PLEKHA5: variants seen among roughly 807,000 people sequenced by gnomAD.
PLEKHA5 encodes the protein pleckstrin homology domain containing A5, also known as pleckstrin homology domain-containing family A member 5.
A neutral mutation model predicts 181.9 loss-of-function variants in PLEKHA5; 55 were observed. The observed-to-expected ratio is 0.30, with a 90% CI of 0.24 to 0.38. PLEKHA5 has a LOEUF of 0.38. PLEKHA5 is among the 10% of genes least tolerant of loss of function. PLEKHA5 has a pLI of 1.00. For synonymous variants in PLEKHA5, 535 were observed against 529.4 expected, an observed-to-expected ratio of 1.01 and a Z score of -0.15; for missense variants, 1,432 against 1,549.5, an observed-to-expected ratio of 0.92 and a Z score of 1.27.
Position 19,130,861 on chromosome 12 carries a change from C to G in PLEKHA5, c.169+731C>G, listed in dbSNP as rs2033563116. ...GGATCTAAAGTCCCCGCCAGCCGCA[C>G]GGAGGTTGCACAGACTGCCAGGAGG... On this transcript the variant is annotated intron_variant, in intron 2 of 31. Coordinates refer to ENST00000429027, the MANE Select transcript of PLEKHA5 (RefSeq NM_001256470.2). The surrounding 1 kb of genome is among the most constrained non-coding windows in gnomAD (Gnocchi z 4.5). 1.3e-5 allele frequency: 2 copies of G among 152,228 alleles called. No homozygotes were observed. The highest frequency in any genetic ancestry group is 4.8e-5 in the African/African-American group (2 of 41,444). The allele number at this position is 152,228 out of a possible 1,614,324, so 9.4% of individuals were successfully genotyped here. A position where few individuals can be genotyped will look rare whatever the true frequency, so the allele number is the denominator to read the frequency against.
At chr12:19,188,433 G>T (rs2050339896) in intron 3 of PLEKHA5, among the ~76,000 whole-genome samples, 1 of 152,078 alleles carries the variant, frequency 6.6e-6, no homozygotes, top group Admixed American at 6.5e-5. Flanking sequence ...TATACTTCTA[G>T]TGTAATGAAT....
At position 19,366,049 on chromosome 12, in the gene PLEKHA5, G is replaced by A. The variant is rs1387127979; in HGVS notation, c.3694G>A (p.Glu1232Lys). ...NTKNSVDEQEETVISYESTPE... is the reference protein window; with the variant it reads ...NTKNSVDEQEKTVISYESTPE... ...AAAGAACAGTGTTGACGAACAGGAA[G>A]AAACTGTTATTTCTTACGAATCAAC... Residue 1232 changes from glutamate (E) to lysine (K), a missense_variant, in exon 30 of 32, where the codon GAA becomes AAA. Transcript: ENST00000429027. 6.2e-7 allele frequency: 1 copy of A among 1,611,612 alleles called. No homozygotes were observed. The highest frequency in any genetic ancestry group is 1.3e-5 in the African/African-American group (1 of 74,874).
At chr12:19,302,704 G>A (rs888962067) in intron 15 of PLEKHA5, among the ~76,000 whole-genome samples, 1 of 151,942 alleles carries the variant, frequency 6.6e-6, no homozygotes, top group African/African-American at 2.4e-5. Context: ...GCCTACTGGT[G>A]TAGAATTTTT....
intron 3 of PLEKHA5, among the ~76,000 whole-genome samples, chr12:19,232,526 G>C (rs2060787348): frequency 6.6e-6 from 1 of 152,090 alleles, no homozygotes; most frequent in African/African-American, 2.4e-5. Flanking sequence ...TTGATAACTT[G>C]AAAACTTGAT....
chr12:19,326,717 C>T (rs1360354263), intron 20 of PLEKHA5, among the ~76,000 whole-genome samples: 1 of 152,184 alleles, frequency 6.6e-6, no homozygotes, highest in East Asian at 1.9e-4. Flanking sequence ...CTTTATCTTC[C>T]ATTCTTTCCC....
intron 20 of PLEKHA5, among the ~76,000 whole-genome samples, chr12:19,327,899 T>C (rs1835322): frequency 0.76 from 115,510 of 151,998 alleles, 46,599 homozygotes; most frequent in Non-Finnish European, 0.92. Context: ...CCCACTTTGG[T>C]CTCCCATAAT....
rs538034594 is a variant in PLEKHA5, at chr12:19,310,194, T to C, written c.2038-4620T>C. 7.2e-5 allele frequency among the ~76,000 whole-genome samples: 11 copies of C among 152,358 alleles called. No homozygotes were observed. In the South Asian group the frequency reaches 1.9e-3, roughly 26 times the overall value. On this transcript the variant is annotated intron_variant, in intron 15 of 31. Coordinates refer to ENST00000429027, the MANE Select transcript of PLEKHA5 (RefSeq NM_001256470.2). The stretch of plus-strand genomic sequence containing the variant: ...ATCCTTAAACATCCTACGTGTACTA[T>C]TTAGTCTTTCCTCTGATTCCTTACA...
At chr12:19,177,525 G>A (rs540364812) in intron 3 of PLEKHA5, among the ~76,000 whole-genome samples, 1 of 152,276 alleles carries the variant, frequency 6.6e-6, no homozygotes, top group South Asian at 2.1e-4. Flanking sequence ...AAAGCCTTTG[G>A]ATCAGTTCCC....
intron 26 of PLEKHA5, among the ~76,000 whole-genome samples, chr12:19,356,342 C>G (rs1247673739): frequency 1.3e-5 from 2 of 151,882 alleles, no homozygotes; most frequent in Admixed American, 1.3e-4. Context: ...TAAGGAGACC[C>G]CATCTCTACA....
chr12:19,362,586 T>A (rs1475045355), intron 29 of PLEKHA5, among the ~76,000 whole-genome samples: 1 of 151,982 alleles, frequency 6.6e-6, no homozygotes, highest in African/African-American at 2.4e-5. Context: ...ACACTGTGCT[T>A]AGCACCTAGG....
intron 8 of PLEKHA5, among the ~76,000 whole-genome samples, chr12:19,269,562 G>A (rs1295127487): frequency 6.6e-6 from 1 of 150,742 alleles, no homozygotes; most frequent in East Asian, 1.9e-4. Context: ...AAGAAAGAGG[G>A]TAAAATTAAG....
chr12:19,157,097 T>TATACACAC (rs139783169), intron 3 of PLEKHA5, among the ~76,000 whole-genome samples: 1 of 143,208 alleles, frequency 7.0e-6, no homozygotes, highest in Non-Finnish European at 1.5e-5. Flanking sequence ...TATATGTACA[T>TATACACAC]ACACACACAC....
intron 20 of PLEKHA5, among the ~76,000 whole-genome samples, chr12:19,327,911 C>T (rs1490398535): frequency 6.6e-6 from 1 of 152,146 alleles, no homozygotes. Context: ...TCCCATAATA[C>T]TGGGATTACA....
intron 3 of PLEKHA5, among the ~76,000 whole-genome samples, chr12:19,141,964 G>C (rs1338457472): frequency 6.6e-6 from 1 of 152,080 alleles, no homozygotes; most frequent in Middle Eastern, 3.2e-3. Flanking sequence ...AAATAACTTG[G>C]ATTATTTACA....
intron 24 of PLEKHA5, 74 bp from the exon 25 acceptor site, chr12:19,348,325 G>C: frequency 9.0e-7 from 1 of 1,109,700 alleles, no homozygotes; most frequent in Non-Finnish European, 1.3e-6. Context: ...AGTTTGATTT[G>C]TGTCTTTAGC....
intron 3 of PLEKHA5, among the ~76,000 whole-genome samples, chr12:19,202,914 A>G (rs1592050710): frequency 6.6e-6 from 1 of 152,236 alleles, no homozygotes; most frequent in East Asian, 1.9e-4. Context: ...GAGGATATTC[A>G]GTTGTCATAG....
chr12:19,203,005 G>A (rs1471535163), intron 3 of PLEKHA5, among the ~76,000 whole-genome samples: 1 of 152,078 alleles, frequency 6.6e-6, no homozygotes, highest in Non-Finnish European at 1.5e-5. Context: ...ATCAGGTTTT[G>A]CTGGTAGAGA....
At chr12:19,333,178 G>A (rs1415767018) in intron 20 of PLEKHA5, among the ~76,000 whole-genome samples, 8 of 151,982 alleles carry the variant, frequency 5.3e-5, no homozygotes, top group Non-Finnish European at 7.4e-5. Context: ...CCAACTACTC[G>A]GGAGCCTGAG....
At chr12:19,260,791 C>T (rs1427914509) in intron 6 of PLEKHA5, among the ~76,000 whole-genome samples, 158 bp from the exon 7 acceptor site, 2 of 152,090 alleles carry the variant, frequency 1.3e-5, no homozygotes, top group African/African-American at 2.4e-5. Flanking sequence ...ACCCAGGAGG[C>T]AGAGGTTGCA....
Sources: allele counts gnomAD v4.1 joint callset (sites outside exome capture counted in the v4.1 genomes callset), GRCh38; gene constraint gnomAD v4.1.1; non-coding constraint Gnocchi (gnomAD v3.1); transcripts MANE v1.5; gene names NCBI Gene and HGNC (gene_info 2026-07-23, HGNC 2026-07-21).